The following KCNN2 variants were observed in gnomAD, a reference collection of about 807,000 sequenced individuals.
KCNN2 encodes the protein potassium calcium-activated channel subfamily N member 2.
A neutral mutation model predicts 55.5 loss-of-function variants in KCNN2; 24 were observed. The ratio of observed to expected loss-of-function variants is 0.43; its 90% CI spans 0.31 to 0.61. The LOEUF (loss-of-function observed/expected upper bound fraction) is 0.61, where lower values mean the gene tolerates loss of function less well. Among genes scored for constraint, KCNN2 ranks in the 20% least tolerant of loss-of-function variants. The pLI, the probability that KCNN2 is intolerant of heterozygous loss-of-function variation, is 0.08. For synonymous variants in KCNN2, 431 were observed against 336.1 expected, an observed-to-expected ratio of 1.28 and a Z score of -3.09; for missense variants, 754 against 853.6, an observed-to-expected ratio of 0.88 and a Z score of 1.45.
At chr5:114,067,976 G>A (rs1295528013) in intron 1 of KCNN2, among the ~76,000 whole-genome samples, 1 of 152,138 alleles carries the variant, frequency 6.6e-6, no homozygotes, top group Admixed American at 6.6e-5. Flanking sequence ...AAAATGGAAG[G>A]AATCACCTGT....
chr5:114,359,477 T>A (rs532613279), upstream of KCNN2, among the ~76,000 whole-genome samples: 1 of 152,282 alleles, frequency 6.6e-6, no homozygotes, highest in African/African-American at 2.4e-5. Context: ...TGCCTATTAT[T>A]TTGGTTTTGG....
chr5:114,370,592 T>A (rs758240272), intron 2 of KCNN2, among the ~76,000 whole-genome samples: 1 of 152,070 alleles, frequency 6.6e-6, no homozygotes, highest in Non-Finnish European at 1.5e-5. Flanking sequence ...AAGTGACATT[T>A]AAACTGAGAC....
At chr5:114,090,472 T>G (rs1751115026) in intron 1 of KCNN2, among the ~76,000 whole-genome samples, 1 of 152,008 alleles carries the variant, frequency 6.6e-6, no homozygotes, top group South Asian at 2.1e-4. Flanking sequence ...GTTTATGTGT[T>G]CTACAGGAAA....
intron 2 of KCNN2, among the ~76,000 whole-genome samples, chr5:114,348,771 C>G (rs1496387): frequency 0.043 from 6,529 of 152,168 alleles, 485 homozygotes; most frequent in African/African-American, 0.15. Flanking sequence ...CCTCGGAAAA[C>G]TGTTTCTTGT....
At chr5:114,368,365 A>C (rs1237333773) in intron 2 of KCNN2, among the ~76,000 whole-genome samples, 1 of 152,150 alleles carries the variant, frequency 6.6e-6, no homozygotes, top group Non-Finnish European at 1.5e-5. Context: ...CTTTTCAGAG[A>C]TGGCTCTATA....
In KCNN2 at chr5:114,474,840, A is replaced by G. The variant is rs145179586; in HGVS notation, c.1890+1676A>G. On this transcript the variant is annotated intron_variant, in intron 5 of 7. Transcript: ENST00000673685. ...TGCCACACTTAAGATATTAGGGAGAAAAATACCTTAAAATACCATGTCGCC... is the reference window on the plus strand; with the variant it reads ...TGCCACACTTAAGATATTAGGGAGAGAAATACCTTAAAATACCATGTCGCC... 2.4e-3 allele frequency among the ~76,000 whole-genome samples: 364 copies of G among 152,262 alleles called. 2 individuals are homozygous for G. Among genetic ancestry groups the G allele is most frequent in the African/African-American group, 8.5e-3 (355 of 41,568 alleles).
chr5:114,471,866 A>G (rs190758107), intron 4 of KCNN2, among the ~76,000 whole-genome samples: 15 of 152,192 alleles, frequency 9.9e-5, no homozygotes, highest in African/African-American at 2.9e-4. Flanking sequence ...TTTCTCCTCA[A>G]TCGTGTCCCT....
At chr5:114,449,586 T>A (rs1760561707) in intron 3 of KCNN2, among the ~76,000 whole-genome samples, 1 of 152,158 alleles carries the variant, frequency 6.6e-6, no homozygotes, top group African/African-American at 2.4e-5. Context: ...TGCACTGCTG[T>A]GGGTCATGCA....
At chr5:114,220,698 AG>A (rs1200061703) in intron 1 of KCNN2, among the ~76,000 whole-genome samples, 1 of 152,024 alleles carries the variant, frequency 6.6e-6, no homozygotes, top group Non-Finnish European at 1.5e-5. Flanking sequence ...GATAATAAAT[AG>A]CAAGACACAG....
intron 2 of KCNN2, among the ~76,000 whole-genome samples, chr5:114,339,087 C>G (rs771384158): frequency 3.3e-5 from 5 of 152,180 alleles, no homozygotes; most frequent in African/African-American, 1.2e-4. Context: ...TAGACAACTC[C>G]TTTGGTGGTT....
chr5:114,173,741 T>C (rs1753085335), intron 1 of KCNN2, among the ~76,000 whole-genome samples: 1 of 151,802 alleles, frequency 6.6e-6, no homozygotes, highest in African/African-American at 2.4e-5. Context: ...TAATTTTATT[T>C]GTGGCTATTG....
At chr5:114,478,122 A>G (rs1305233239) in intron 5 of KCNN2, among the ~76,000 whole-genome samples, 1 of 152,112 alleles carries the variant, frequency 6.6e-6, no homozygotes, top group Non-Finnish European at 1.5e-5. Context: ...GAACAAATCT[A>G]TCCCTGCTGC....
chr5:114,165,359 A>G (rs765529377), intron 1 of KCNN2, among the ~76,000 whole-genome samples: 21 of 152,160 alleles, frequency 1.4e-4, no homozygotes, highest in Non-Finnish European at 2.6e-4. Flanking sequence ...CACTTGATGA[A>G]TAGTAAACAT....
At chr5:114,451,544 AAATC>A (rs1760677340) in intron 3 of KCNN2, among the ~76,000 whole-genome samples, 4 of 152,206 alleles carry the variant, frequency 2.6e-5, no homozygotes. Flanking sequence ...GAGCAAAAGA[AAATC>A]AAGGTGAAAA....
intron 1 of KCNN2, among the ~76,000 whole-genome samples, chr5:114,085,948 G>C (rs186062904): frequency 3.9e-5 from 6 of 152,122 alleles, no homozygotes; most frequent in Admixed American, 2.0e-4. Context: ...ATGAATTTTT[G>C]ATGAATGGAC....
chr5:114,152,398 A>T (rs1752546726), intron 1 of KCNN2, among the ~76,000 whole-genome samples: 1 of 152,206 alleles, frequency 6.6e-6, no homozygotes, highest in Non-Finnish European at 1.5e-5. Flanking sequence ...CACCAAATAA[A>T]CTCAAAAAAG....
At chr5:114,474,434 T>G (rs1761882776) in intron 5 of KCNN2, among the ~76,000 whole-genome samples, 1 of 152,202 alleles carries the variant, frequency 6.6e-6, no homozygotes, top group African/African-American at 2.4e-5. Context: ...GAATGTCTTC[T>G]ACTCTCCATG....
intron 1 of KCNN2, among the ~76,000 whole-genome samples, chr5:114,166,885 C>G (rs1033234802): frequency 6.6e-6 from 1 of 152,120 alleles, no homozygotes; most frequent in African/African-American, 2.4e-5. Flanking sequence ...CATTCCATCT[C>G]TGTCTGCCCT....
intron 1 of KCNN2, among the ~76,000 whole-genome samples, chr5:114,120,986 T>C (rs1016934003): frequency 2.6e-5 from 4 of 152,208 alleles, no homozygotes; most frequent in Non-Finnish European, 4.4e-5. Flanking sequence ...GCCTTATCAA[T>C]TGGGGTGTCT....
Sources: gnomAD v4.1 joint callset for allele counts (sites outside exome capture counted in the v4.1 genomes callset) on GRCh38, gnomAD v4.1.1 for gene constraint, MANE v1.5 for transcripts, NCBI Gene and HGNC (gene_info 2026-07-23, HGNC 2026-07-21) for gene names.